Variants in RAF1 observed in about 807,000 individuals in gnomAD.
RAF1 encodes the protein RAF proto-oncogene serine/threonine-protein kinase.
Under a neutral mutation model 81.1 loss-of-function variants are expected in RAF1, and 27 were observed. The ratio of observed to expected loss-of-function variants is 0.33; its 90% CI spans 0.25 to 0.46. RAF1 has a LOEUF of 0.46. Ranked by LOEUF, RAF1 falls within the 20% of genes least tolerant of loss-of-function variation. The probability of loss-of-function intolerance (pLI) is 1.00; values close to 1 mark genes in which losing one functional copy is unlikely to be tolerated. For synonymous variants in RAF1, 298 were observed against 294.0 expected, an observed-to-expected ratio of 1.01 and a Z score of -0.14; for missense variants, 598 against 826.0, an observed-to-expected ratio of 0.72 and a Z score of 3.38.
intron 1 of RAF1, among the ~76,000 whole-genome samples, chr3:12,663,484 G>C (rs2060947617): frequency 6.6e-6 from 1 of 152,214 alleles, no homozygotes; most frequent in Admixed American, 6.5e-5. Flanking sequence ...GCCCATCCAA[G>C]TGACAACAGA....
chr3:12,623,437 T>C (rs887015198), intron 1 of RAF1, among the ~76,000 whole-genome samples: 1 of 152,182 alleles, frequency 6.6e-6, no homozygotes, highest in Non-Finnish European at 1.5e-5. Flanking sequence ...TAATTCAAGT[T>C]TTAGATTATT....
chr3:12,585,165 A>G lies in RAF1; in HGVS notation c.1685T>C (p.Met562Thr), dbSNP rs553449714. The change falls in exon 16 of 18, where the codon ATG (methionine) becomes ACG (threonine). Residue 562 changes from methionine to threonine, a missense_variant. Met to Thr is a moderately conservative substitution (Grantham distance 81, BLOSUM62 -1). Coordinates refer to ENST00000442415, the MANE Select transcript of RAF1 (RefSeq NM_001354689.3). ...GTGAGAATAAGGAAGCTCCCCCGTC[A>G]TCAGTTCATACAATACGATGCCATA... is the stretch of plus-strand genomic sequence containing the variant. The G allele has an allele frequency of 2.5e-6, 4 of 1,614,076 alleles. No individual in the cohort carries two copies. The highest frequency in any genetic ancestry group is 3.4e-6 in the Non-Finnish European group (4 of 1,180,034).
At chr3:12,612,399 A>G (rs1194127798) in intron 2 of RAF1, among the ~76,000 whole-genome samples, 2 of 152,230 alleles carry the variant, frequency 1.3e-5, no homozygotes, top group Admixed American at 1.3e-4. Flanking sequence ...CTGTAATCTC[A>G]GCACTTTGGG....
At chr3:12,596,483 C>T (rs1299061732) in intron 11 of RAF1, among the ~76,000 whole-genome samples, 1 of 152,114 alleles carries the variant, frequency 6.6e-6, no homozygotes. Context: ...CATGAGCCAC[C>T]GCACCCAGCC....
chr3:12,657,496 C>T (rs1422119848), intron 1 of RAF1, among the ~76,000 whole-genome samples: 4 of 152,084 alleles, frequency 2.6e-5, no homozygotes, highest in Admixed American at 6.6e-5. Context: ...AGGGGCCAGG[C>T]GCAGTGGCTC....
rs1161199659 is a variant in RAF1, at chr3:12,600,249, T to C, written c.953A>G (p.Asn318Ser). The C allele has an allele frequency of 1.2e-6, 2 of 1,614,060 alleles. No homozygotes were observed. The highest frequency in any genetic ancestry group is 2.7e-5 in the African/African-American group (2 of 74,920). The change falls in exon 10 of 18, where the codon AAC (asparagine) becomes AGC (serine). Residue 318 changes from asparagine to serine, a missense_variant. Around this residue, in one of 5 missense-constraint regions of RAF1, gnomAD observed 194 missense variants for 202.7 expected, o/e 0.96. Transcript: ENST00000442415. ...TGACCAGCCTGTTGGGCTCAGATTG[T>C]TGGGGCTACTGGACAGGGCTGAAGG...
At chr3:12,636,824 A>T (rs899490459) in intron 1 of RAF1, among the ~76,000 whole-genome samples, 2 of 152,100 alleles carry the variant, frequency 1.3e-5, no homozygotes, top group Admixed American at 1.3e-4. Flanking sequence ...AAAGAAAGAA[A>T]GAAAAAATAT....
intron 1 of RAF1, among the ~76,000 whole-genome samples, chr3:12,627,532 A>G (rs1051392813): frequency 1.3e-5 from 2 of 152,212 alleles, no homozygotes; most frequent in African/African-American, 4.8e-5. Context: ...ATTGCCAGTT[A>G]TCTTAGCTTT....
chr3:12,637,154 C>T (rs746705664), intron 1 of RAF1, among the ~76,000 whole-genome samples: 14 of 152,234 alleles, frequency 9.2e-5, no homozygotes, highest in South Asian at 2.1e-4. Flanking sequence ...AAGCTGAACT[C>T]GCTCAATTTT....
chr3:12,625,968 A>G (rs766459352), intron 1 of RAF1, among the ~76,000 whole-genome samples: 1 of 152,052 alleles, frequency 6.6e-6, no homozygotes, highest in Non-Finnish European at 1.5e-5. Context: ...ATAGATAAGC[A>G]TTAAAAAAAA....
intron 1 of RAF1, among the ~76,000 whole-genome samples, chr3:12,640,316 T>C (rs928710931): frequency 1.3e-5 from 2 of 152,142 alleles, no homozygotes; most frequent in African/African-American, 2.4e-5. Flanking sequence ...GGGCAAGGAC[T>C]TCATGACTAA....
chr3:12,618,641 G>A lies in RAF1; in HGVS notation c.81C>T (p.Cys27=), dbSNP rs774401401. The change falls in exon 2 of 18, where the codon TGC becomes TGT. Residue 27 remains cysteine, a synonymous_variant. Transcript: ENST00000442415. ...ACTGCTGAACTATTGTAGGAGAGATGCAGCTGGAGCCATCAAACACGGCAT... is the reference window on the plus strand; with the variant it reads ...ACTGCTGAACTATTGTAGGAGAGATACAGCTGGAGCCATCAAACACGGCAT... The A allele has an allele frequency of 1.7e-5, 27 of 1,614,086 alleles. No homozygotes were observed. The highest frequency in any genetic ancestry group is 2.3e-5 in the Non-Finnish European group (27 of 1,180,046).
intron 2 of RAF1, among the ~76,000 whole-genome samples, chr3:12,615,046 TAGAATCCTCAG>T: frequency 6.6e-6 from 1 of 152,332 alleles, no homozygotes; most frequent in Admixed American, 6.5e-5. Context: ...TAGCTGGCAT[TAGAATCCTCAG>T]AGAAGCTTGA....
In RAF1 at chr3:12,584,609, G is replaced by T. The variant is rs757290878; in HGVS notation, c.1912C>A (p.Arg638=). The T allele has an allele frequency of 1.2e-6, 2 of 1,614,042 alleles. No homozygotes were observed. The highest frequency in any genetic ancestry group is 1.7e-6 in the Non-Finnish European group (2 of 1,179,954). ...TGCAAGGATGGCTCGGAAGCGCTCC[G>T]GTTGATCTTCGGTAGAGAGTGTTGG... Residue 638 remains arginine, a synonymous_variant, in exon 18 of 18, where the codon CGG becomes AGG. Coordinates refer to ENST00000442415, the MANE Select transcript of RAF1 (RefSeq NM_001354689.3).
At chr3:12,598,011 T>C (rs1575560465) in intron 11 of RAF1, among the ~76,000 whole-genome samples, 1 of 111,368 alleles carries the variant, frequency 9.0e-6, no homozygotes, top group Admixed American at 1.1e-4. Context: ...TTTCTTTTCC[T>C]TTTTTTTTTT....
intron 1 of RAF1, among the ~76,000 whole-genome samples, chr3:12,638,966 A>G (rs958612466): frequency 2.0e-5 from 3 of 152,042 alleles, no homozygotes; most frequent in African/African-American, 7.2e-5. Context: ...ATTGATTTGC[A>G]TATGTTGAAC....
At chr3:12,614,083 C>T (rs1029727040) in intron 2 of RAF1, among the ~76,000 whole-genome samples, 3 of 152,262 alleles carry the variant, frequency 2.0e-5, no homozygotes, top group Non-Finnish European at 2.9e-5. Flanking sequence ...TCGTGAACAA[C>T]AGGGTAAGGG....
chr3:12,586,292 A>T (rs1039684498), intron 14 of RAF1, among the ~76,000 whole-genome samples: 2 of 152,244 alleles, frequency 1.3e-5, no homozygotes, highest in Non-Finnish European at 2.9e-5. Flanking sequence ...TCAATGTTGT[A>T]GTAAGAAATT....
At chr3:12,630,713 G>T (rs146893899) in intron 1 of RAF1, among the ~76,000 whole-genome samples, 2 of 152,298 alleles carry the variant, frequency 1.3e-5, no homozygotes, top group Non-Finnish European at 2.9e-5. Flanking sequence ...TGCCTTGTAG[G>T]TTATTAAAAG....
Sources: gnomAD v4.1 joint callset for allele counts (sites outside exome capture counted in the v4.1 genomes callset) on GRCh38, gnomAD v4.1.1 for gene constraint, gnomAD v4.1.1 regional missense constraint, MANE v1.5 for transcripts, NCBI Gene and HGNC (gene_info 2026-07-23, HGNC 2026-07-21) for gene names.